Variants in ADAP1 observed in about 807,000 individuals in gnomAD.
ADAP1 encodes the protein ArfGAP with dual PH domains 1, also known as arf-GAP with dual PH domain-containing protein 1.
A neutral mutation model predicts 54.9 loss-of-function variants in ADAP1; 31 were observed. That is an observed-to-expected ratio of 0.56 (90% CI 0.42 to 0.76). The LOEUF (loss-of-function observed/expected upper bound fraction) is 0.76, where lower values mean the gene tolerates loss of function less well. Ranked by LOEUF, ADAP1 falls within the 30% of genes least tolerant of loss-of-function variation. The pLI is 0.00. For missense variants in ADAP1, 535 were observed against 512.4 expected (o/e 1.04, Z -0.42); for synonymous variants, 313 against 202.6 (o/e 1.55, Z -4.63).
intron 1 of ADAP1, among the ~76,000 whole-genome samples, chr7:951,406 C>T (rs1156890753): frequency 2.6e-5 from 4 of 151,644 alleles, no homozygotes; most frequent in Admixed American, 6.6e-5. Flanking sequence ...CTAGTTGGGC[C>T]GCTGCCCTGG....
chr7:934,653 C>A (rs2128108598), intron 2 of ADAP1, among the ~76,000 whole-genome samples: 1 of 152,304 alleles, frequency 6.6e-6, no homozygotes, highest in East Asian at 1.9e-4. Flanking sequence ...GGGTCTTGTT[C>A]CTTCTCCACC....
At chr7:908,598 C>T (rs935158205) in intron 4 of ADAP1, among the ~76,000 whole-genome samples, 2 of 152,260 alleles carry the variant, frequency 1.3e-5, no homozygotes, top group African/African-American at 2.4e-5. Flanking sequence ...CCAAGTAAGG[C>T]CTGCTCAGAA....
At chr7:919,787 G>GGGGAGGGAGGGAGGGAGATGGGGGA (rs1353112964) in intron 4 of ADAP1, among the ~76,000 whole-genome samples, 181 bp downstream of exon 4, 1 of 3,464 alleles carries the variant, frequency 2.9e-4, no homozygotes, top group Non-Finnish European at 5.1e-4. Flanking sequence ...GAGGGAGATG[G>GGGGAGGGAGGGAGGGAGATGGGGGA]GGGAGGGAGG....
At position 946,994 on chromosome 7, in the gene ADAP1, AAG is replaced by A. The variant is rs1039004443; in HGVS notation, c.82+7400_82+7401del. On this transcript the variant is annotated intron_variant, in intron 1 of 10. Transcript: ENST00000265846. This position sits in a 1 kb window ranked among gnomAD's most constrained non-coding sequence, Gnocchi z 4.3. ...ATCCTTATGAAAAAATTTTCTATAA[AAG>A]GTTAATTTTTCATATGAATTGCACC... Among the ~76,000 whole-genome samples, 1 of 152,120 alleles carries A rather than the reference AAG, an allele frequency of 6.6e-6. No individual in the cohort carries two copies. Among genetic ancestry groups the A allele is most frequent in the Non-Finnish European group, 1.5e-5 (1 of 68,028 alleles).
At chr7:942,639 G>C (rs1430182441) in intron 1 of ADAP1, among the ~76,000 whole-genome samples, 2 of 18,508 alleles carry the variant, frequency 1.1e-4, no homozygotes, top group Non-Finnish European at 1.2e-4. Flanking sequence ...GAAGGGAGGA[G>C]GAGGAAGAGG....
intron 5 of ADAP1, 142 bp from the exon 6 acceptor site, chr7:904,414 T>C: frequency 9.4e-7 from 1 of 1,066,738 alleles, no homozygotes; most frequent in Admixed American, 3.1e-5. Context: ...CTCTGAGCCT[T>C]GGCCTCCCGG....
intron 4 of ADAP1, among the ~76,000 whole-genome samples, chr7:918,049 T>C (rs747361134): frequency 5.3e-5 from 8 of 152,084 alleles, no homozygotes; most frequent in Non-Finnish European, 1.2e-4. Flanking sequence ...TTGACCTCCA[T>C]ATAAAGTGCT....
intron 3 of ADAP1, among the ~76,000 whole-genome samples, chr7:922,087 C>T (rs1404397658): frequency 1.3e-5 from 2 of 152,150 alleles, no homozygotes; most frequent in African/African-American, 2.4e-5. Flanking sequence ...GGAAGCCCCT[C>T]ATCTCCTGAA....
At chr7:947,285 G>A (rs1442898169) in intron 1 of ADAP1, among the ~76,000 whole-genome samples, 1 of 148,492 alleles carries the variant, frequency 6.7e-6, no homozygotes, top group African/African-American at 2.5e-5. Context: ...TTGAACTCCT[G>A]GGCTCAAGCG....
Position 926,785 on chromosome 7 carries a change from C to T in ADAP1, c.214-141G>A. On this transcript the variant is annotated intron_variant, in intron 2 of 10. Coordinates refer to ENST00000265846, the MANE Select transcript of ADAP1 (RefSeq NM_006869.4). This position sits in a 1 kb window ranked among gnomAD's most constrained non-coding sequence, Gnocchi z 4.6. ...TCCACCAGCACCAGGACGGGAACGC[C>T]ACCTCCTCCTGCCCCAGGGACACCA... The T allele has an allele frequency of 1.3e-6, 1 of 741,204 alleles. No homozygotes were observed. The highest frequency in any genetic ancestry group is 2.1e-6 in the Non-Finnish European group (1 of 478,200). The allele number at this position is 741,204 out of a possible 1,614,324, so 45.9% of individuals were successfully genotyped here. A position where few individuals can be genotyped will look rare whatever the true frequency, so the allele number is the denominator to read the frequency against.
At chr7:899,351 T>A (rs901094605) in intron 9 of ADAP1, 68 bp downstream of exon 9, 7 of 1,606,098 alleles carry the variant, frequency 4.4e-6, no homozygotes, top group African/African-American at 2.7e-5. Context: ...CCCGCCCTCC[T>A]GGTCACGCAT....
At chr7:918,833 CAGG>C (rs1301574347) in intron 4 of ADAP1, among the ~76,000 whole-genome samples, 3 of 151,848 alleles carry the variant, frequency 2.0e-5, no homozygotes, top group Admixed American at 6.6e-5. Context: ...ACAGAGCAGA[CAGG>C]AGGAGGAAGC....
In ADAP1 at chr7:954,424, G is replaced by A; in HGVS notation, c.54C>T (p.Asn18=). ...GGGCGCCGCAGTCCGCGCAGCGCGCGTTCCCCGGCCGCTGCAGCAGCTCCA... is the reference window on the plus strand; with the variant it reads ...GGGCGCCGCAGTCCGCGCAGCGCGCATTCCCCGGCCGCTGCAGCAGCTCCA... ...AVLELLQRPG[N]ARCADCGAPD... The change falls in exon 1 of 11, where the codon AAC becomes AAT. Residue 18 remains asparagine, a synonymous_variant. Transcript: ENST00000265846. 1.8e-6 allele frequency: 2 copies of A among 1,132,948 alleles called. No individual in the cohort carries two copies. Among genetic ancestry groups the A allele is most frequent in the East Asian group, 8.5e-5 (1 of 11,748 alleles). 70.2% of individuals were successfully genotyped at this position (1,132,948 alleles called of 1,614,324 possible). A position where few individuals can be genotyped will look rare whatever the true frequency, so the allele number is the denominator to read the frequency against.
intron 3 of ADAP1, among the ~76,000 whole-genome samples, chr7:925,345 A>C (rs1583168345): frequency 6.1e-5 from 8 of 130,426 alleles, no homozygotes; most frequent in Admixed American, 8.4e-5. Context: ...ATGTAGGGAG[A>C]CCCCGTCTCT....
intron 4 of ADAP1, 126 bp from the exon 5 acceptor site, chr7:905,298 C>CGCGG (rs1180294864): frequency 3.8e-6 from 1 of 260,152 alleles, no homozygotes; most frequent in African/African-American, 6.9e-5. Flanking sequence ...GGGACACGGA[C>CGCGG]AGGGGGAGAC....
chr7:916,890 G>A (rs905952770), intron 4 of ADAP1, among the ~76,000 whole-genome samples: 137 of 152,190 alleles, frequency 9.0e-4, no homozygotes, highest in African/African-American at 3.0e-3. Context: ...ACCCCACGCC[G>A]CTCCTGGGAG....
At chr7:904,901 G>C (rs1371234175) in intron 5 of ADAP1, among the ~76,000 whole-genome samples, 159 bp downstream of exon 5, 1 of 152,230 alleles carries the variant, frequency 6.6e-6, no homozygotes, top group African/African-American at 2.4e-5. Context: ...GGCACACAGA[G>C]GCTCAGCCCA....
At position 945,792 on chromosome 7, in the gene ADAP1, C is replaced by T. The variant is rs548030111; in HGVS notation, c.82+8604G>A. ...CCCAGGACGCCCGAGGTGACTCAGC[C>T]GCTCACCATTTCCGGAGCTGGTCTG... On this transcript the variant is annotated intron_variant, in intron 1 of 10. Coordinates refer to ENST00000265846, the MANE Select transcript of ADAP1 (RefSeq NM_006869.4). The surrounding 1 kb of genome is among the most constrained non-coding windows in gnomAD (Gnocchi z 4.2). The T allele has an allele frequency of 4.1e-6, 4 of 985,608 alleles. No homozygotes were observed. The highest frequency in any genetic ancestry group is 1.2e-4 in the Admixed American group (2 of 16,292). The allele number at this position is 985,608 out of a possible 1,614,324, so 61.1% of individuals were successfully genotyped here.
chr7:931,982 G>C (rs1329186375), intron 2 of ADAP1, among the ~76,000 whole-genome samples: 1 of 152,166 alleles, frequency 6.6e-6, no homozygotes, highest in East Asian at 1.9e-4. Context: ...AGCCAGGGGG[G>C]GCCCAGTGCA....
Sources: allele counts gnomAD v4.1 joint callset (sites outside exome capture counted in the v4.1 genomes callset), GRCh38; gene constraint gnomAD v4.1.1; non-coding constraint Gnocchi (gnomAD v3.1); transcripts MANE v1.5; gene names NCBI Gene and HGNC (gene_info 2026-07-23, HGNC 2026-07-21).